The following AGBL5 variants were observed in gnomAD, a reference collection of about 807,000 sequenced individuals.
AGBL5 encodes cytosolic carboxypeptidase-like protein 5.
In AGBL5, 51 loss-of-function variants were observed where a neutral mutation model predicts 88.0. The observed-to-expected ratio is 0.58, with a 90% confidence interval of 0.46 to 0.73. AGBL5 has a LOEUF of 0.73. AGBL5 is among the 30% of genes least tolerant of loss of function. AGBL5 has a pLI of 0.00. For missense variants in AGBL5, 1,031 were observed against 1,162.2 expected, an observed-to-expected ratio of 0.89 and a Z score of 1.64; for synonymous variants, 446 against 438.8, an observed-to-expected ratio of 1.02 and a Z score of -0.21.
At chr2:27,055,318 A>C in intron 6 of AGBL5, 65 bp downstream of exon 6, 1 of 1,563,692 alleles carries the variant, frequency 6.4e-7, no homozygotes, top group Non-Finnish European at 8.7e-7. Flanking sequence ...ATCTCAGTGA[A>C]ATTCTGTCAG....
Position 27,070,445 on chromosome 2 carries a change from C to T in AGBL5, c.*182C>T, listed in dbSNP as rs569193549. On this transcript the variant is annotated 3_prime_UTR_variant, in exon 15 of 15. Coordinates refer to ENST00000360131, the MANE Select transcript of AGBL5 (RefSeq NM_021831.6). ...GACAGAACAAAACAGGGACCTGCCA[C>T]CCCTTCCCTCCCTCCGCAGCACAAG... 83 of 578,458 alleles carry T rather than the reference C, an allele frequency of 1.4e-4. No homozygotes were observed. The highest frequency in any genetic ancestry group is 1.3e-3 in the African/African-American group (68 of 53,846). The allele number at this position is 578,458 out of a possible 1,614,324, so 35.8% of individuals were successfully genotyped here.
chr2:27,058,740 TAGTC>T (rs1040378701), intron 10 of AGBL5, 138 bp downstream of exon 10: 10 of 917,728 alleles, frequency 1.1e-5, no homozygotes, highest in South Asian at 1.6e-5. Flanking sequence ...AAATTAAAAT[TAGTC>T]AGATTAGTTT....
Position 27,054,022 on chromosome 2 carries a change from G to A in AGBL5, c.514G>A (p.Asp172Asn), listed in dbSNP as rs1430957025. The A allele has an allele frequency of 3.7e-6, 6 of 1,613,886 alleles. No individual in the cohort carries two copies. The highest frequency in any genetic ancestry group is 5.1e-6 in the Non-Finnish European group (6 of 1,179,958). The change falls in exon 4 of 15, where the codon GAC becomes AAC. Residue 172 changes from aspartate to asparagine, a missense_variant. Around this residue, in one of 2 missense-constraint regions of AGBL5, gnomAD observed 540 missense variants for 678.2 expected, o/e 0.80. Transcript: ENST00000360131. ...CTGCCAGGAACTGCTAAACCAGCTA[G>A]ACCAGCGCTTTCCGGAGAACCACCC... Reference protein sequence around the residue: ...SDCQELLNQLDQRFPENHPTH... With the variant: ...SDCQELLNQLNQRFPENHPTH...
intron 4 of AGBL5, 78 bp downstream of exon 4, chr2:27,054,137 G>C (rs934275300): frequency 1.3e-6 from 2 of 1,494,206 alleles, no homozygotes; most frequent in Non-Finnish European, 1.8e-6. Context: ...TTTGCTCTTA[G>C]AGCTCTGAAC....
At chr2:27,067,914 T>C (rs1669076495) in intron 12 of AGBL5, 1 of 504,288 alleles carries the variant, frequency 2.0e-6, no homozygotes, top group South Asian at 2.1e-5. Flanking sequence ...CCTGAAGACT[T>C]TTGTCTACCT....
In AGBL5 at chr2:27,055,973, C is replaced by T. The variant is rs2148276685; in HGVS notation, c.1200C>T (p.Asn400=). ...CAGAGCCAGCAGAACAGAAGCTCAA[C>T]AGTGTGTGGATTATGCCACAACAGT... ...KQTEPAEQKL[N]SVWIMPQQSA... Residue 400 remains asparagine (N), a synonymous_variant, in exon 7 of 15, where the codon AAC becomes AAT. Coordinates refer to ENST00000360131, the MANE Select transcript of AGBL5 (RefSeq NM_021831.6). The T allele has an allele frequency of 6.2e-7, 1 of 1,614,256 alleles. No homozygotes were observed. Among genetic ancestry groups the T allele is most frequent in the Admixed American group, 1.7e-5 (1 of 60,034 alleles).
At chr2:27,069,362 A>T in intron 13 of AGBL5, 1 of 985,386 alleles carries the variant, frequency 1.0e-6, no homozygotes, top group Non-Finnish European at 1.2e-6. Context: ...TGCCACCCCT[A>T]GTTATAGACT....
At chr2:27,066,773 C>T (rs1020573688) in intron 11 of AGBL5, among the ~76,000 whole-genome samples, 1 of 151,206 alleles carries the variant, frequency 6.6e-6, no homozygotes, top group Non-Finnish European at 1.5e-5. Flanking sequence ...GGCAAAACCC[C>T]GTCTCTACTA....
intron 11 of AGBL5, among the ~76,000 whole-genome samples, chr2:27,066,548 T>C (rs1359663467): frequency 3.3e-5 from 5 of 152,052 alleles, no homozygotes; most frequent in African/African-American, 9.7e-5. Context: ...TGGGGAAGAC[T>C]TGACATTTAA....
At chr2:27,069,191 C>T (rs759574543) in intron 13 of AGBL5, 183 of 1,348,576 alleles carry the variant, frequency 1.4e-4, no homozygotes, top group Non-Finnish European at 1.7e-4. Flanking sequence ...TAGGCAGAGG[C>T]TGACTGGATG....
chr2:27,054,327 A>C, intron 4 of AGBL5: 1 of 551,644 alleles, frequency 1.8e-6, no homozygotes, highest in Non-Finnish European at 3.1e-6. Context: ...GAGTTTAGCC[A>C]GCATTATGTG....
chr2:27,067,600 AC>A lies in AGBL5; in HGVS notation c.2197del (p.His733ThrfsTer33). ...CTACTAGTTCTGGCCCAGCCTCCTC[AC>A]ACAAGCTGGGCTCCTGTCTACTGCC... ...APTSSGPASS[H>X]KLGSCLLPDS... On this transcript the variant is annotated frameshift_variant, in exon 12 of 15. Transcript: ENST00000360131. LOFTEE classifies it high-confidence loss of function. 1 of 1,613,896 alleles carries A rather than the reference AC, an allele frequency of 6.2e-7. No individual in the cohort carries two copies. The highest frequency in any genetic ancestry group is 8.5e-7 in the Non-Finnish European group (1 of 1,179,922).
At chr2:27,068,077 C>T (rs962874067) in intron 12 of AGBL5, among the ~76,000 whole-genome samples, 2 of 152,202 alleles carry the variant, frequency 1.3e-5, no homozygotes, top group Non-Finnish European at 2.9e-5. Flanking sequence ...ATCTCTTCTC[C>T]TTTAAATTAT....
At chr2:27,066,166 C>G (rs1373560197) in intron 11 of AGBL5, among the ~76,000 whole-genome samples, 2 of 138,380 alleles carry the variant, frequency 1.4e-5, no homozygotes, top group Admixed American at 1.6e-4. Flanking sequence ...TGCAGGAGGT[C>G]AAGTTTGTAG....
chr2:27,055,555 T>C, intron 6 of AGBL5, 127 bp from the exon 7 acceptor site: 1 of 943,274 alleles, frequency 1.1e-6, no homozygotes, highest in Non-Finnish European at 1.5e-6. Context: ...CAATTCTTTC[T>C]TTCCTAACAT....
At position 27,057,449 on chromosome 2, in the gene AGBL5, A is replaced by G. The variant is rs761043693; in HGVS notation, c.1671+11A>G. 1 of 1,594,234 alleles carries G rather than the reference A, an allele frequency of 6.3e-7. No individual in the cohort carries two copies. Among genetic ancestry groups the G allele is most frequent in the East Asian group, 2.3e-5 (1 of 44,068 alleles). ...GAACTATTTGAGCAGGTATGAATAC[A>G]TGGTGTAAGTGGGAAAAGGGAGAAA... is the stretch of plus-strand genomic sequence containing the variant. On this transcript the variant is annotated intron_variant, in intron 9 of 14. Coordinates refer to ENST00000360131, the MANE Select transcript of AGBL5 (RefSeq NM_021831.6).
chr2:27,067,727 A>G lies in AGBL5; in HGVS notation c.2242+81A>G, dbSNP rs200067620. 1.1e-3 allele frequency: 1,571 copies of G among 1,449,380 alleles called. 1 individual carries two copies. The highest frequency in any genetic ancestry group is 1.4e-3 in the Non-Finnish European group (1,464 of 1,036,104). The allele number at this position is 1,449,380 out of a possible 1,614,324, so 89.8% of individuals were successfully genotyped here. A position where few individuals can be genotyped will look rare whatever the true frequency, so the allele number is the denominator to read the frequency against. On this transcript the variant is annotated intron_variant, in intron 12 of 14. Coordinates refer to ENST00000360131, the MANE Select transcript of AGBL5 (RefSeq NM_021831.6). ...CAGGTTCTTTAAGCCTAGTTGGGAG[A>G]CCAGGGGCATCACTTATCCTCTTGG...
Position 27,054,064 on chromosome 2 carries a change from C to T in AGBL5, c.551+5C>T, listed in dbSNP as rs377519364. 1.2e-6 allele frequency: 2 copies of T among 1,606,610 alleles called. No homozygotes were observed. The highest frequency in any genetic ancestry group is 1.7e-6 in the Non-Finnish European group (2 of 1,175,312). The stretch of plus-strand genomic sequence containing the variant: ...GAACCACCCTACCCATAGCAGGTGC[C>T]AGCCCCATTCTTACTCCTGCCACAC... On this transcript the variant is annotated splice_donor_5th_base_variant and intron_variant, in intron 4 of 14. Coordinates refer to ENST00000360131, the MANE Select transcript of AGBL5 (RefSeq NM_021831.6).
upstream of AGBL5, among the ~76,000 whole-genome samples, chr2:27,051,269 C>T (rs542958052): frequency 4.6e-5 from 7 of 152,320 alleles, no homozygotes; most frequent in African/African-American, 7.2e-5. Flanking sequence ...GTAGCGGGAT[C>T]GATGCCCGCA....
Sources: gnomAD v4.1 joint callset for allele counts (sites outside exome capture counted in the v4.1 genomes callset) on GRCh38, gnomAD v4.1.1 for gene constraint, gnomAD v4.1.1 regional missense constraint, MANE v1.5 for transcripts, NCBI Gene and HGNC (gene_info 2026-07-23, HGNC 2026-07-21) for gene names.